The following PUS3 variants were observed in gnomAD, a reference collection of about 807,000 sequenced individuals.
PUS3 encodes the protein pseudouridine synthase 3.
A neutral mutation model predicts 43.3 loss-of-function variants in PUS3; 36 were observed. That is an observed-to-expected ratio of 0.83 (90% CI 0.64 to 1.10). The LOEUF is 1.10. Ranked by LOEUF, PUS3 falls within the 50% of genes least tolerant of loss-of-function variation. The pLI is 0.00. For synonymous variants in PUS3, 183 were observed against 199.2 expected, an observed-to-expected ratio of 0.92 and a Z score of 0.69; for missense variants, 544 against 589.9, an observed-to-expected ratio of 0.92 and a Z score of 0.81.
chr11:125,899,365 A>T, intron 1 of PUS3: 1 of 1,613,908 alleles, frequency 6.2e-7, no homozygotes, highest in Non-Finnish European at 8.5e-7. Context: ...GTGTAGGGGA[A>T]GCAATGGAAG....
intron 1 of PUS3, chr11:125,900,177 A>G (rs746095639): frequency 6.2e-7 from 1 of 1,614,220 alleles, no homozygotes. Context: ...CCAACAGAGA[A>G]GAAAAGGTCT....
chr11:125,901,008 C>CAAAA (rs10533810), intron 1 of PUS3, among the ~76,000 whole-genome samples: 1 of 125,648 alleles, frequency 8.0e-6, no homozygotes, highest in Non-Finnish European at 1.7e-5. Context: ...GACTCCGTCT[C>CAAAA]AAAAAAAAAA....
chr11:125,902,479 T>C (rs1944803851), intron 1 of PUS3, among the ~76,000 whole-genome samples: 1 of 151,358 alleles, frequency 6.6e-6, no homozygotes, highest in Admixed American at 6.6e-5. Context: ...GCTGCCAAGA[T>C]GGCGCACGCC....
chr11:125,900,732 C>T (rs1049815384), intron 1 of PUS3: 8 of 189,306 alleles, frequency 4.2e-5, no homozygotes, highest in South Asian at 2.0e-4. Context: ...AGGAACAAGC[C>T]GGGCGCGGTG....
In PUS3 at chr11:125,895,353, T is replaced by C. The variant is rs769994818; in HGVS notation, c.815A>G (p.Gln272Arg). The change falls in exon 3 of 4, where the codon CAG (glutamine) becomes CGG (arginine). Residue 272 changes from glutamine to arginine, a missense_variant. Physicochemically the swap from Gln to Arg is conservative, Grantham distance 43 (BLOSUM62 1). Transcript: ENST00000227474. Reference sequence around the variant, plus strand: ...TCGGACTTGATGATAAAGGAATGCCTGGCCAGTCACTTCAAACTGACATAA... The same window carrying C: ...TCGGACTTGATGATAAAGGAATGCCCGGCCAGTCACTTCAAACTGACATAA... ...FQLCQFEVTG[Q>R]AFLYHQVRCM... 1.3e-5 allele frequency: 21 copies of C among 1,614,118 alleles called. No homozygotes were observed. In the Admixed American group the frequency reaches 2.7e-4, roughly 20 times the overall value.
rs772820066 is a variant in PUS3 at position 125,899,636 on chromosome 11, C to T, written c.-46-3306G>A. On this transcript the variant is annotated intron_variant, in intron 1 of 3. Transcript: ENST00000227474. ...AGTCTCTGAGGCCTCCCAAAGACTC[C>T]GAAAGCCAGTGATGAAGAGAAAGGT... The T allele has an allele frequency of 9.9e-6, 16 of 1,613,948 alleles. No homozygotes were observed. The highest frequency in any genetic ancestry group is 1.3e-5 in the African/African-American group (1 of 74,866).
At position 125,894,286 on chromosome 11, in the gene PUS3, A is replaced by G. The variant is rs751006630; in HGVS notation, c.945T>C (p.Ser315=). The part of the protein sequence containing the change: ...IEKNPQKPQY[S]MAVEFPLVLY... ...AGACTAGAGGAAATTCTACAGCCAT[A>G]CTAGAGAAAAAGAGAAAAGAAAGTT... Residue 315 remains serine (S), a splice_region_variant and synonymous_variant, in exon 4 of 4, where the codon AGT becomes AGC. Transcript: ENST00000227474. 1.1e-5 allele frequency: 18 copies of G among 1,589,764 alleles called. No individual in the cohort carries two copies. The East Asian group carries it at 3.6e-4, about 32-fold the overall frequency.
At chr11:125,902,137 A>G (rs1255075276) in intron 1 of PUS3, among the ~76,000 whole-genome samples, 2 of 152,158 alleles carry the variant, frequency 1.3e-5, no homozygotes, top group Non-Finnish European at 1.5e-5. Flanking sequence ...GGTACACTAC[A>G]GTGCTTTTTC....
rs1565451905 is a variant in PUS3 at position 125,894,088 on chromosome 11, C to CT, written c.1142dup (p.Met382AspfsTer11). 6.2e-7 allele frequency: 1 copy of CT among 1,614,182 alleles called. No homozygotes were observed. Among genetic ancestry groups the CT allele is most frequent in the Non-Finnish European group, 8.5e-7 (1 of 1,180,036 alleles). ...TTCCCCATTCTGTCATTCCATCCAT[C>CT]TTTGGTCCTATTCCACAGGGTACTG... On this transcript the variant is annotated frameshift_variant, in exon 4 of 4. Transcript: ENST00000227474. LOFTEE classifies it high-confidence loss of function.
At chr11:125,899,823 A>G in intron 1 of PUS3, 1 of 1,614,236 alleles carries the variant, frequency 6.2e-7, no homozygotes, top group Non-Finnish European at 8.5e-7. Flanking sequence ...GATGTTTCAC[A>G]AAAATTTAAC....
Position 125,895,124 on chromosome 11 carries a change from G to A in PUS3, c.944+100C>T, listed in dbSNP as rs535864685. 5.5e-5 allele frequency: 50 copies of A among 906,106 alleles called. No individual in the cohort carries two copies. In the African/African-American group the frequency reaches 7.9e-4, roughly 14 times the overall value. 56.1% of individuals were successfully genotyped at this position (906,106 alleles called of 1,614,324 possible). On this transcript the variant is annotated intron_variant, in intron 3 of 3. Coordinates refer to ENST00000227474, the MANE Select transcript of PUS3 (RefSeq NM_031307.4). ...TGCAGTGGTCCAATCTCAGCTCAGTGCAACCTCCGCCTCCTGGCTTCAAGC... is the reference window on the plus strand; with the variant it reads ...TGCAGTGGTCCAATCTCAGCTCAGTACAACCTCCGCCTCCTGGCTTCAAGC...
chr11:125,900,200 G>T, intron 1 of PUS3: 1 of 1,614,096 alleles, frequency 6.2e-7, no homozygotes, highest in Non-Finnish European at 8.5e-7. Context: ...ACTCCGTTGG[G>T]GTGTTCGTTG....
rs55792535 is a variant in PUS3 at position 125,902,599 on chromosome 11, T to TAAAAAA, written c.-47+565_-47+570dup. On this transcript the variant is annotated intron_variant, in intron 1 of 3. Transcript: ENST00000227474. ...CTTCACTCAGCCTGGGCGACAGTCT[T>TAAAAAA]AAAAAAAAAAAAAAAAAAGTCCTAA... Among the ~76,000 whole-genome samples, 514 of 117,226 alleles carry TAAAAAA rather than the reference T, an allele frequency of 4.4e-3. 16 individuals carry two copies. The highest frequency in any genetic ancestry group is 0.018 in the East Asian group (73 of 4,006). The allele number at this position is 117,226 out of a possible 152,430, so 76.9% of individuals were successfully genotyped here.
intron 1 of PUS3, chr11:125,900,691 T>G (rs1944745407): frequency 4.1e-6 from 1 of 246,048 alleles, no homozygotes; most frequent in Admixed American, 5.3e-5. Flanking sequence ...AAGATGATCT[T>G]GAACCTGGGC....
chr11:125,900,694 A>C, intron 1 of PUS3: 1 of 240,458 alleles, frequency 4.2e-6, no homozygotes, highest in Non-Finnish European at 8.5e-6. Context: ...ATGATCTTGA[A>C]CCTGGGCTAT....
chr11:125,899,478 G>A, intron 1 of PUS3: 1 of 1,614,204 alleles, frequency 6.2e-7, no homozygotes, highest in Admixed American at 1.7e-5. Context: ...CAGGGTGAAG[G>A]AGATGTCAGG....
chr11:125,895,181 G>C lies in PUS3; in HGVS notation c.944+43C>G, dbSNP rs760892058. Reference sequence around the variant, plus strand: ...TGTGCCTCAAGCGTCCCGAGTAGCTGGGACTACAGGCATGTGCCATTTATT... The same window carrying C: ...TGTGCCTCAAGCGTCCCGAGTAGCTCGGACTACAGGCATGTGCCATTTATT... On this transcript the variant is annotated intron_variant, in intron 3 of 3. Transcript: ENST00000227474. 4 of 1,476,262 alleles carry C rather than the reference G, an allele frequency of 2.7e-6. No homozygotes were observed. In the African/African-American group the frequency reaches 5.6e-5, roughly 21 times the overall value. The allele number at this position is 1,476,262 out of a possible 1,614,324, so 91.4% of individuals were successfully genotyped here. A position where few individuals can be genotyped will look rare whatever the true frequency, so the allele number is the denominator to read the frequency against.
Position 125,895,345 on chromosome 11 carries a change from G to A in PUS3, c.823C>T (p.Leu275Phe). 6.2e-7 allele frequency: 1 copy of A among 1,614,182 alleles called. No individual in the cohort carries two copies. The highest frequency in any genetic ancestry group is 8.5e-7 in the Non-Finnish European group (1 of 1,180,032). ...CQFEVTGQAF[L>F]YHQVRCMMAI... ...ATCATACATCGGACTTGATGATAAAGGAATGCCTGGCCAGTCACTTCAAAC... is the reference window on the plus strand; with the variant it reads ...ATCATACATCGGACTTGATGATAAAAGAATGCCTGGCCAGTCACTTCAAAC... Residue 275 changes from leucine (L) to phenylalanine (F), a missense_variant, in exon 3 of 4, where the codon CTT (leucine) becomes TTT (phenylalanine). Leu to Phe is a conservative substitution (Grantham distance 22, BLOSUM62 0). Coordinates refer to ENST00000227474, the MANE Select transcript of PUS3 (RefSeq NM_031307.4).
intron 1 of PUS3, among the ~76,000 whole-genome samples, chr11:125,898,453 T>C (rs1309233960): frequency 6.6e-6 from 1 of 152,138 alleles, no homozygotes; most frequent in East Asian, 1.9e-4. Flanking sequence ...GGCGGGTGGG[T>C]TGCCTGAGGT....
Sources: allele counts gnomAD v4.1 joint callset (sites outside exome capture counted in the v4.1 genomes callset), GRCh38; gene constraint gnomAD v4.1.1; transcripts MANE v1.5; gene names NCBI Gene and HGNC (gene_info 2026-07-23, HGNC 2026-07-21).